The following KCNB2 variants were observed in gnomAD, a reference collection of about 807,000 sequenced individuals.
KCNB2 encodes the protein potassium voltage-gated channel subfamily B member 2.
In KCNB2, 15 loss-of-function variants were observed where a neutral mutation model predicts 61.5. That is an observed-to-expected ratio of 0.24 (90% CI 0.16 to 0.38). KCNB2 has a LOEUF of 0.38. Among genes scored for constraint, KCNB2 ranks in the 10% least tolerant of loss-of-function variants. The probability of loss-of-function intolerance (pLI) is 1.00; values close to 1 mark genes in which losing one functional copy is unlikely to be tolerated. For synonymous variants in KCNB2, 457 were observed against 446.0 expected (o/e 1.02, Z -0.31); for missense variants, 828 against 1,125.2 (o/e 0.74, Z 3.78).
chr8:72,923,297 A>G (rs2129008385), intron 2 of KCNB2, among the ~76,000 whole-genome samples: 1 of 152,268 alleles, frequency 6.6e-6, no homozygotes, highest in South Asian at 2.1e-4. Flanking sequence ...AGACCTAGAA[A>G]TGGAAAGGAA....
chr8:72,673,766 G>A (rs1316246259), intron 2 of KCNB2, among the ~76,000 whole-genome samples: 1 of 152,184 alleles, frequency 6.6e-6, no homozygotes, highest in Non-Finnish European at 1.5e-5. Context: ...ACAGAAAGTA[G>A]AATAGTAGTT....
intron 2 of KCNB2, among the ~76,000 whole-genome samples, chr8:72,599,650 T>A (rs1219516802): frequency 6.6e-6 from 1 of 151,822 alleles, no homozygotes; most frequent in Non-Finnish European, 1.5e-5. Context: ...ACCATCAGAG[T>A]GAACAGGCAA....
In KCNB2 at chr8:72,557,692, G is replaced by A. The variant is rs187134013; in HGVS notation, c.-93-9950G>A. On this transcript the variant is annotated intron_variant, in intron 1 of 2. Transcript: ENST00000523207. ...ACAGAAAGCACTTGAGGTCCATCTTGTCAATATCCACAGACTAGGAGCTTC... is the reference window on the plus strand; with the variant it reads ...ACAGAAAGCACTTGAGGTCCATCTTATCAATATCCACAGACTAGGAGCTTC... Among the ~76,000 whole-genome samples the A allele has an allele frequency of 3.3e-5, 5 of 152,328 alleles. No homozygotes were observed. The East Asian group carries it at 5.8e-4, about 18-fold the overall frequency.
chr8:72,846,672 G>T (rs538380882), intron 2 of KCNB2, among the ~76,000 whole-genome samples: 1 of 152,216 alleles, frequency 6.6e-6, no homozygotes, highest in South Asian at 2.1e-4. Flanking sequence ...TATCATCACT[G>T]GCCATCAGAG....
At chr8:72,618,833 TA>T in intron 2 of KCNB2, 1 of 232,914 alleles carries the variant, frequency 4.3e-6, no homozygotes. Flanking sequence ...GCATTAAATC[TA>T]AATAGAACTC....
intron 2 of KCNB2, among the ~76,000 whole-genome samples, chr8:72,710,019 C>T (rs2128991733): frequency 6.6e-6 from 1 of 152,148 alleles, no homozygotes; most frequent in East Asian, 1.9e-4. Context: ...AACCCATACC[C>T]CAGGTGTCCA....
intron 2 of KCNB2, among the ~76,000 whole-genome samples, chr8:72,825,804 A>G (rs901962628): frequency 2.6e-5 from 4 of 152,256 alleles, no homozygotes. Flanking sequence ...TCGGTCCCTT[A>G]TCACACACAT....
chr8:72,622,060 T>A (rs1805721420), intron 2 of KCNB2, among the ~76,000 whole-genome samples: 1 of 152,214 alleles, frequency 6.6e-6, no homozygotes, highest in Admixed American at 6.5e-5. Context: ...TGTCAATTAG[T>A]GTATATTTCA....
chr8:72,831,204 G>C lies in KCNB2; in HGVS notation c.580-104731G>C, dbSNP rs147460263. Among the ~76,000 whole-genome samples, 229 of 152,290 alleles carry C rather than the reference G, an allele frequency of 1.5e-3. 1 individual carries two copies. Among genetic ancestry groups the C allele is most frequent in the African/African-American group, 5.1e-3 (211 of 41,560 alleles). On this transcript the variant is annotated intron_variant, in intron 2 of 2. Coordinates refer to ENST00000523207, the MANE Select transcript of KCNB2 (RefSeq NM_004770.3). ...TCTTGCACTTTTACCCCCACAGCAA[G>C]AGCTCTGTGCTCACCAAAATCCCAT... is the stretch of plus-strand genomic sequence containing the variant.
At chr8:72,708,732 G>T (rs552551751) in intron 2 of KCNB2, among the ~76,000 whole-genome samples, 68 of 152,112 alleles carry the variant, frequency 4.5e-4, no homozygotes, top group Non-Finnish European at 9.4e-4. Flanking sequence ...TCAGTCTTGT[G>T]GTTAAATATC....
intron 2 of KCNB2, among the ~76,000 whole-genome samples, chr8:72,734,832 A>T (rs1563574756): frequency 6.6e-6 from 1 of 152,224 alleles, no homozygotes; most frequent in Non-Finnish European, 1.5e-5. Flanking sequence ...CAGCCATTTC[A>T]GAAAACTCTG....
chr8:72,843,440 T>C (rs1338931193), intron 2 of KCNB2, among the ~76,000 whole-genome samples: 1 of 152,216 alleles, frequency 6.6e-6, no homozygotes, highest in African/African-American at 2.4e-5. Flanking sequence ...GTTCTGTAGA[T>C]GTCTATTAGG....
At chr8:72,713,050 G>A (rs1391061893) in intron 2 of KCNB2, among the ~76,000 whole-genome samples, 1 of 152,236 alleles carries the variant, frequency 6.6e-6, no homozygotes, top group African/African-American at 2.4e-5. Flanking sequence ...CGCCCACGGA[G>A]CCTCACTCGT....
chr8:72,786,106 T>C (rs924535937), intron 2 of KCNB2, among the ~76,000 whole-genome samples: 3 of 151,232 alleles, frequency 2.0e-5, no homozygotes, highest in Non-Finnish European at 4.4e-5. Flanking sequence ...TTTAGTATGC[T>C]CACTGCTTAT....
chr8:72,546,862 A>AT (rs1392170522), intron 1 of KCNB2, among the ~76,000 whole-genome samples: 4 of 152,216 alleles, frequency 2.6e-5, no homozygotes, highest in Non-Finnish European at 5.9e-5. Context: ...CCCACAACAG[A>AT]TTTTTAATGG....
At chr8:72,848,180 C>T (rs1359375939) in intron 2 of KCNB2, among the ~76,000 whole-genome samples, 1 of 152,204 alleles carries the variant, frequency 6.6e-6, no homozygotes, top group East Asian at 1.9e-4. Flanking sequence ...TTTCTATTTT[C>T]ACTCTATCAA....
At chr8:72,658,370 A>G (rs960695319) in intron 2 of KCNB2, among the ~76,000 whole-genome samples, 5 of 152,202 alleles carry the variant, frequency 3.3e-5, no homozygotes, top group Non-Finnish European at 7.3e-5. Flanking sequence ...GCGAGGTCCT[A>G]ACTCTACAAT....
chr8:72,658,154 A>G (rs565544348), intron 2 of KCNB2, among the ~76,000 whole-genome samples: 46 of 152,340 alleles, frequency 3.0e-4, no homozygotes, highest in Non-Finnish European at 5.6e-4. Flanking sequence ...AGACAGGTTG[A>G]AAGCTGGGCC....
intron 2 of KCNB2, among the ~76,000 whole-genome samples, chr8:72,861,268 G>A (rs948067279): frequency 6.6e-6 from 1 of 152,162 alleles, no homozygotes; most frequent in Admixed American, 6.5e-5. Flanking sequence ...TGCAAATTGT[G>A]ATTTTTCTGT....
Sources: allele counts gnomAD v4.1 joint callset (sites outside exome capture counted in the v4.1 genomes callset), GRCh38; gene constraint gnomAD v4.1.1; transcripts MANE v1.5; gene names NCBI Gene and HGNC (gene_info 2026-07-23, HGNC 2026-07-21).